Variants in MCM4 observed in about 807,000 individuals in gnomAD.
MCM4 encodes the protein minichromosome maintenance complex component 4.
Under a neutral mutation model 88.7 loss-of-function variants are expected in MCM4, and 60 were observed. The ratio of observed to expected loss-of-function variants is 0.68; its 90% confidence interval spans 0.55 to 0.84. The LOEUF is 0.84. Among genes scored for constraint, MCM4 ranks in the 40% least tolerant of loss-of-function variants. The pLI is 0.00. For missense variants in MCM4, 1,149 were observed against 1,105.5 expected, an observed-to-expected ratio of 1.04 and a Z score of -0.56; for synonymous variants, 465 against 410.5, an observed-to-expected ratio of 1.13 and a Z score of -1.61.
intron 13 of MCM4, 31 bp from the exon 14 acceptor site, chr8:47,972,826 G>A: frequency 6.3e-7 from 1 of 1,595,864 alleles, no homozygotes. Flanking sequence ...CAAGGTGCTG[G>A]AAAAACAGTA....
Position 47,970,528 on chromosome 8 carries a change from CTT to C in MCM4, c.1454_1455del (p.Phe485TrpfsTer8). Reference protein sequence around the residue: ...DIKKGILLQLFGGTRKDFSHT... With the variant: ...DIKKGILLQLXGGTRKDFSHT... Reference sequence around the variant, plus strand: ...TTATTTAGGGAATTTTGCTTCAGCTCTTTGGCGGGACAAGGAAGGATTTTAGT... The same window carrying C: ...TTATTTAGGGAATTTTGCTTCAGCTCTGGCGGGACAAGGAAGGATTTTAGT... On this transcript the variant is annotated frameshift_variant, in exon 12 of 17. Coordinates refer to ENST00000649973, the MANE Select transcript of MCM4 (RefSeq NM_182746.3). LOFTEE classifies it high-confidence loss of function. The C allele has an allele frequency of 6.2e-7, 1 of 1,600,754 alleles. No homozygotes were observed. The highest frequency in any genetic ancestry group is 8.5e-7 in the Non-Finnish European group (1 of 1,169,616).
At position 47,972,165 on chromosome 8, in the gene MCM4, A is replaced by T. The variant is rs149607634; in HGVS notation, c.1929-692A>T. On this transcript the variant is annotated intron_variant, in intron 13 of 16. Coordinates refer to ENST00000649973, the MANE Select transcript of MCM4 (RefSeq NM_182746.3). The stretch of plus-strand genomic sequence containing the variant: ...CACAAGAATTGCTTGAGCCTGGGGG[A>T]GTGGAGATTGCAGTGAGCTGAGATC... 2.4e-3 allele frequency among the ~76,000 whole-genome samples: 335 copies of T among 140,482 alleles called. 2 individuals carry two copies. Among genetic ancestry groups the T allele is most frequent in the African/African-American group, 8.1e-3 (313 of 38,434 alleles). 92.2% of individuals were successfully genotyped at this position (140,482 alleles called of 152,430 possible).
At position 47,976,767 on chromosome 8, in the gene MCM4, C is replaced by G; in HGVS notation, c.2581C>G (p.Arg861Gly). 1 of 1,611,070 alleles carries G rather than the reference C, an allele frequency of 6.2e-7. No homozygotes were observed. Among genetic ancestry groups the G allele is most frequent in the Non-Finnish European group, 8.5e-7 (1 of 1,177,436 alleles). Residue 861 changes from arginine to glycine, a missense_variant, in exon 17 of 17, where the codon CGC (arginine) becomes GGC (glycine). Around this residue, in one of 3 missense-constraint regions of MCM4, gnomAD observed 238 missense variants for 241.6 expected, o/e 0.99. Coordinates refer to ENST00000649973, the MANE Select transcript of MCM4 (RefSeq NM_182746.3). ...CCTGACAGTGACTGGGAAGACCGTG[C>G]GCTTGCTCTGAAGCCTTGTGAGCAA... ...DFLTVTGKTVRLL is the reference protein window; with the variant it reads ...DFLTVTGKTVGLL
chr8:47,977,277 A>C lies in MCM4; in HGVS notation c.*499A>C, dbSNP rs1020750225. 1.3e-5 allele frequency: 2 copies of C among 153,424 alleles called. No individual in the cohort carries two copies. Among genetic ancestry groups the C allele is most frequent in the East Asian group, 1.9e-4 (1 of 5,214 alleles). 9.5% of individuals were successfully genotyped at this position (153,424 alleles called of 1,614,324 possible). A position where few individuals can be genotyped will look rare whatever the true frequency, so the allele number is the denominator to read the frequency against. Reference sequence around the variant, plus strand: ...TGAGACTGTCTCAAAAAAAAAAAAAAAAAAAAAACCTGCCAATTTTCAAAC... The same window carrying C: ...TGAGACTGTCTCAAAAAAAAAAAAACAAAAAAAACCTGCCAATTTTCAAAC... On this transcript the variant is annotated 3_prime_UTR_variant, in exon 17 of 17. Coordinates refer to ENST00000649973, the MANE Select transcript of MCM4 (RefSeq NM_182746.3).
chr8:47,967,512 T>C (rs781043997), intron 10 of MCM4, 27 bp downstream of exon 10: 1 of 1,613,748 alleles, frequency 6.2e-7, no homozygotes, highest in South Asian at 1.1e-5. Context: ...GCACCAGCAC[T>C]TGAGCATGTC....
chr8:47,963,604 A>T (rs769403594), intron 7 of MCM4, among the ~76,000 whole-genome samples: 1 of 152,238 alleles, frequency 6.6e-6, no homozygotes, highest in African/African-American at 2.4e-5. Context: ...ATGAATCTTA[A>T]AACTGATAGC....
chr8:47,966,728 A>G (rs1161145230), intron 9 of MCM4, among the ~76,000 whole-genome samples: 1 of 152,192 alleles, frequency 6.6e-6, no homozygotes, highest in African/African-American at 2.4e-5. Context: ...TTGGTAAAGG[A>G]TTGAGGAATT....
rs1372994967 is a variant in MCM4, at chr8:47,964,638, T to A, written c.758T>A (p.Ile253Asn). The A allele has an allele frequency of 6.2e-7, 1 of 1,608,008 alleles. No individual in the cohort carries two copies. Residue 253 changes from isoleucine (I) to asparagine (N), a missense_variant, in exon 8 of 17, where the codon ATC becomes AAC. Physicochemically the swap from Ile to Asn is moderately radical, Grantham distance 149. This residue lies in a region of MCM4 where 906 missense variants were observed against 843.0 expected (regional missense o/e 1.07). Transcript: ENST00000649973. ...TTCTTTGACCGTTACCCTGACTCAA[T>A]CTTAGAACATCAGATTCAAGTAAGA... ...EIFFDRYPDS[I>N]LEHQIQVRPF...
At chr8:47,968,464 T>G (rs971744288) in intron 10 of MCM4, among the ~76,000 whole-genome samples, 6 of 152,220 alleles carry the variant, frequency 3.9e-5, no homozygotes, top group African/African-American at 1.4e-4. Flanking sequence ...GTCCAATATT[T>G]TTGTTTCCTC....
chr8:47,962,302 T>C lies in MCM4; in HGVS notation c.400-3T>C, dbSNP rs2090851248. The C allele has an allele frequency of 6.2e-7, 1 of 1,614,126 alleles. No individual in the cohort carries two copies. The highest frequency in any genetic ancestry group is 8.5e-7 in the Non-Finnish European group (1 of 1,180,000). ...CATGATTCTGTCATGTTTTTCTGTG[T>C]AGGCAGCAGCAGAAGATATAGTGGC... On this transcript the variant is annotated splice_polypyrimidine_tract_variant and splice_region_variant and intron_variant, in intron 4 of 16. Coordinates refer to ENST00000649973, the MANE Select transcript of MCM4 (RefSeq NM_182746.3).
At position 47,967,460 on chromosome 8, in the gene MCM4, G is replaced by T. The variant is rs2090910852; in HGVS notation, c.1149G>T (p.Gln383His). 1 of 1,614,214 alleles carries T rather than the reference G, an allele frequency of 6.2e-7. No individual in the cohort carries two copies. Among genetic ancestry groups the T allele is most frequent in the Non-Finnish European group, 8.5e-7 (1 of 1,180,028 alleles). Residue 383 changes from glutamine to histidine, a missense_variant, in exon 10 of 17, where the codon CAG becomes CAT. This residue lies in a region of MCM4 where 906 missense variants were observed against 843.0 expected (regional missense o/e 1.07). Transcript: ENST00000649973. ...FAHNDLVDKV[Q>H]PGDRVNVTGI... ...ACAATGATCTCGTTGACAAGGTCCA[G>T]CCTGGGGACAGAGTGAATGTTACAG...
At position 47,960,969 on chromosome 8, in the gene MCM4, GA is replaced by G. The variant is rs925049639; in HGVS notation, c.-59del. ...GTTTGGGAGCGCTACTCGCCAGGTG[GA>G]CTCGGAGTCCGCGAGCGTCGTCGGC... On this transcript the variant is annotated 5_prime_UTR_variant, in exon 1 of 17. Coordinates refer to ENST00000649973, the MANE Select transcript of MCM4 (RefSeq NM_182746.3). 53 of 609,698 alleles carry G rather than the reference GA, an allele frequency of 8.7e-5. No homozygotes were observed. In the African/African-American group the frequency reaches 8.9e-4, roughly 10 times the overall value. The allele number at this position is 609,698 out of a possible 1,614,324, so 37.8% of individuals were successfully genotyped here. A position where few individuals can be genotyped will look rare whatever the true frequency, so the allele number is the denominator to read the frequency against.
At chr8:47,962,270 C>A in intron 4 of MCM4, 35 bp from the exon 5 acceptor site, 3 of 1,614,000 alleles carry the variant, frequency 1.9e-6, no homozygotes, top group Non-Finnish European at 1.7e-6. Context: ...GTGGGTAACT[C>A]TGTTTTCATG....
At chr8:47,966,956 G>A (rs1589830255) in intron 9 of MCM4, among the ~76,000 whole-genome samples, 1 of 152,226 alleles carries the variant, frequency 6.6e-6, no homozygotes, top group East Asian at 1.9e-4. Context: ...TGTTGCATGG[G>A]ATGGAGAGCT....
rs1166597379 is a variant in MCM4, at chr8:47,960,996, A to G, written c.-33A>G. The G allele has an allele frequency of 5.1e-5, 40 of 790,610 alleles. No homozygotes were observed. The highest frequency in any genetic ancestry group is 3.8e-4 in the Middle Eastern group (1 of 2,630). The allele number at this position is 790,610 out of a possible 1,614,324, so 49.0% of individuals were successfully genotyped here. ...CTCGGAGTCCGCGAGCGTCGTCGGC[A>G]AGCGGCCGCCTTTCCACGGTAACCG... On this transcript the variant is annotated 5_prime_UTR_variant, in exon 1 of 17. Transcript: ENST00000649973.
At chr8:47,966,449 C>G (rs1248983512) in intron 9 of MCM4, 42 bp downstream of exon 9, 1 of 1,538,422 alleles carries the variant, frequency 6.5e-7, no homozygotes. Context: ...CTTTGCCTGT[C>G]TGTATCCTCA....
chr8:47,961,383 G>A, intron 2 of MCM4, 133 bp from the exon 3 acceptor site: 1 of 1,542,976 alleles, frequency 6.5e-7, no homozygotes, highest in Non-Finnish European at 8.7e-7. Flanking sequence ...CCTGGGTGCT[G>A]CTTAATTCGA....
In MCM4 at chr8:47,962,037, A is replaced by G. The variant is rs780589131; in HGVS notation, c.236-16A>G. 32 of 1,612,878 alleles carry G rather than the reference A, an allele frequency of 2.0e-5. No homozygotes were observed. In the Admixed American group the frequency reaches 5.2e-4, roughly 26 times the overall value. On this transcript the variant is annotated splice_polypyrimidine_tract_variant and intron_variant, in intron 3 of 16. Transcript: ENST00000649973. Reference sequence around the variant, plus strand: ...GTTTGATATGCCACCAGAATTTCCTAATTTTGTTTTTATAGCTATCCCTCT... The same window carrying G: ...GTTTGATATGCCACCAGAATTTCCTGATTTTGTTTTTATAGCTATCCCTCT...
chr8:47,969,967 G>A lies in MCM4; in HGVS notation c.1344G>A (p.Leu448=). The A allele has an allele frequency of 1.2e-6, 2 of 1,614,238 alleles. No homozygotes were observed. Among genetic ancestry groups the A allele is most frequent in the Non-Finnish European group, 1.7e-6 (2 of 1,180,042 alleles). The change falls in exon 11 of 17, where the codon TTG becomes TTA. Residue 448 remains leucine, a synonymous_variant. Coordinates refer to ENST00000649973, the MANE Select transcript of MCM4 (RefSeq NM_182746.3). ...QKLFSEKRVE[L]LKELSRKPDI... is the part of the protein sequence containing the mutation. ...TTTTTTCAGAGAAACGTGTGGAATT[G>A]CTTAAGGAACTTTCCAGGAAACCAG...
Sources: gnomAD v4.1 joint callset for allele counts (sites outside exome capture counted in the v4.1 genomes callset) on GRCh38, gnomAD v4.1.1 for gene constraint, gnomAD v4.1.1 regional missense constraint, MANE v1.5 for transcripts, NCBI Gene and HGNC (gene_info 2026-07-23, HGNC 2026-07-21) for gene names.